Variants in PTPRG observed in about 807,000 individuals in gnomAD.
PTPRG encodes receptor-type tyrosine-protein phosphatase gamma.
In PTPRG, 102 loss-of-function variants were observed where a neutral mutation model predicts 165.3. The observed-to-expected ratio is 0.62, with a 90% confidence interval of 0.53 to 0.73. PTPRG has a LOEUF of 0.73. PTPRG is among the 30% of genes least tolerant of loss of function. The pLI is 0.00. For synonymous variants in PTPRG, 675 were observed against 669.5 expected, an observed-to-expected ratio of 1.01 and a Z score of -0.13; for missense variants, 1,866 against 1,861.4, an observed-to-expected ratio of 1.00 and a Z score of -0.05.
intron 2 of PTPRG, among the ~76,000 whole-genome samples, chr3:61,823,405 G>C (rs2036012233): frequency 6.6e-6 from 1 of 152,130 alleles, no homozygotes; most frequent in Non-Finnish European, 1.5e-5. Flanking sequence ...GAGCAGGATG[G>C]TCTCAATCTC....
intron 2 of PTPRG, among the ~76,000 whole-genome samples, chr3:61,888,246 T>G (rs543557779): frequency 6.6e-6 from 1 of 152,270 alleles, no homozygotes; most frequent in South Asian, 2.1e-4. Flanking sequence ...TGTGTGTATT[T>G]ATTAGTGAAG....
chr3:61,731,209 A>C (rs1011792089), intron 1 of PTPRG, among the ~76,000 whole-genome samples: 2 of 152,134 alleles, frequency 1.3e-5, no homozygotes, highest in African/African-American at 4.8e-5. Context: ...AAAGAGAAAA[A>C]GTAGAGTTCC....
At position 62,271,577 on chromosome 3, in the gene PTPRG, GT is replaced by G. The variant is rs937810237; in HGVS notation, c.3182+23del. On this transcript the variant is annotated intron_variant, in intron 21 of 29. Coordinates refer to ENST00000474889, the MANE Select transcript of PTPRG (RefSeq NM_002841.4). This position sits in a 1 kb window ranked among gnomAD's most constrained non-coding sequence, Gnocchi z 4.1. Reference sequence around the variant, plus strand: ...GCAGGTAGGGTCTAGGATTCAACATGTGAAATAGATGGGGCAGGGGACTTAG... The same window carrying G: ...GCAGGTAGGGTCTAGGATTCAACATGGAAATAGATGGGGCAGGGGACTTAG... 1 of 1,604,022 alleles carries G rather than the reference GT, an allele frequency of 6.2e-7. No homozygotes were observed. Among genetic ancestry groups the G allele is most frequent in the Non-Finnish European group, 8.5e-7 (1 of 1,174,586 alleles).
intron 5 of PTPRG, chr3:62,124,065 CTTTT>C (rs540723355): frequency 2.3e-6 from 1 of 442,400 alleles, no homozygotes; most frequent in Non-Finnish European, 4.1e-6. Flanking sequence ...TTTTCCTTCC[CTTTT>C]TTTTTTCTTT....
chr3:61,937,283 T>C (rs2039504000), intron 2 of PTPRG, among the ~76,000 whole-genome samples: 1 of 152,212 alleles, frequency 6.6e-6, no homozygotes, highest in Non-Finnish European at 1.5e-5. Context: ...GCCTTCCTTT[T>C]AATGTGAGAA....
chr3:61,695,462 G>A (rs1186987804), intron 1 of PTPRG, among the ~76,000 whole-genome samples: 1 of 152,202 alleles, frequency 6.6e-6, no homozygotes, highest in Non-Finnish European at 1.5e-5. Context: ...AAGGCTTAAT[G>A]TAGTAGTTTC....
intron 6 of PTPRG, among the ~76,000 whole-genome samples, chr3:62,137,987 C>A (rs1703776568): frequency 6.6e-6 from 1 of 152,194 alleles, no homozygotes; most frequent in African/African-American, 2.4e-5. Flanking sequence ...GGATCAGCTT[C>A]AATGATTGCT....
At chr3:61,982,552 A>G (rs1054549729) in intron 2 of PTPRG, among the ~76,000 whole-genome samples, 1 of 152,180 alleles carries the variant, frequency 6.6e-6, no homozygotes, top group Non-Finnish European at 1.5e-5. Context: ...TTTGCACTCT[A>G]ATAATGTCAT....
At chr3:61,827,064 C>G (rs758490205) in intron 2 of PTPRG, among the ~76,000 whole-genome samples, 5 of 152,080 alleles carry the variant, frequency 3.3e-5, no homozygotes, top group Non-Finnish European at 7.4e-5. Context: ...CGTTTGTTGC[C>G]TTTAGTTGGA....
chr3:61,782,687 C>T (rs1315859988), intron 2 of PTPRG, among the ~76,000 whole-genome samples: 1 of 152,192 alleles, frequency 6.6e-6, no homozygotes, highest in African/African-American at 2.4e-5. Flanking sequence ...AATGTTTAAC[C>T]TAGTTGACCT....
intron 4 of PTPRG, among the ~76,000 whole-genome samples, chr3:62,017,332 A>G (rs888377577): frequency 1.3e-5 from 2 of 152,226 alleles, no homozygotes; most frequent in African/African-American, 4.8e-5. Flanking sequence ...GAAAGAGCCC[A>G]GTAAATTAGT....
chr3:61,790,900 A>G (rs181543129), intron 2 of PTPRG, among the ~76,000 whole-genome samples: 17 of 152,316 alleles, frequency 1.1e-4, no homozygotes, highest in East Asian at 5.8e-4. Flanking sequence ...TTGAATATCA[A>G]TAAGATTAAA....
At chr3:61,854,206 C>T (rs689236) in intron 2 of PTPRG, among the ~76,000 whole-genome samples, 62,195 of 152,032 alleles carry the variant, frequency 0.41, 13,574 homozygotes, top group East Asian at 0.6. Context: ...TGAATAGTTA[C>T]GTGAGACAAT....
At chr3:62,123,981 TAA>T (rs1167761655) in intron 5 of PTPRG, among the ~76,000 whole-genome samples, 1 of 152,130 alleles carries the variant, frequency 6.6e-6, no homozygotes, top group Non-Finnish European at 1.5e-5. Context: ...AAAGGGCATT[TAA>T]AAGTCTTTTT....
At chr3:62,170,451 T>A (rs547567720) in intron 8 of PTPRG, among the ~76,000 whole-genome samples, 1 of 152,144 alleles carries the variant, frequency 6.6e-6, no homozygotes, top group South Asian at 2.1e-4. Flanking sequence ...AGCTCTTTCC[T>A]GAAAAAATGG....
intron 1 of PTPRG, among the ~76,000 whole-genome samples, chr3:61,725,703 C>A (rs933580315): frequency 7.1e-5 from 10 of 141,766 alleles, no homozygotes; most frequent in Admixed American, 5.9e-4. Flanking sequence ...TCCACCACTA[C>A]CCCCACCTTT....
chr3:62,293,082 C>A, intron 29 of PTPRG, 79 bp from the exon 30 acceptor site: 1 of 1,224,688 alleles, frequency 8.2e-7, no homozygotes, highest in Non-Finnish European at 1.1e-6. Context: ...TCACAATTAC[C>A]ATTTTAATTG....
intron 28 of PTPRG, among the ~76,000 whole-genome samples, chr3:62,285,071 A>G (rs1478140872): frequency 6.6e-6 from 1 of 152,074 alleles, no homozygotes; most frequent in South Asian, 2.1e-4. Flanking sequence ...CCTGCTTATC[A>G]TGTCACACCA....
In PTPRG at chr3:62,093,110, A is replaced by G. The variant is rs1002650073; in HGVS notation, c.615+14852A>G. On this transcript the variant is annotated intron_variant, in intron 5 of 29. Coordinates refer to ENST00000474889, the MANE Select transcript of PTPRG (RefSeq NM_002841.4). ...AATTGGTCCAGGAGATGGCCTGAAC[A>G]TCGGTATTTTTAATAGCTGCTTGCG... Among the ~76,000 whole-genome samples, 13 of 152,290 alleles carry G rather than the reference A, an allele frequency of 8.5e-5. No individual in the cohort carries two copies. In the South Asian group the frequency reaches 1.2e-3, roughly 15 times the overall value.
Sources: gnomAD v4.1 joint callset for allele counts (sites outside exome capture counted in the v4.1 genomes callset) on GRCh38, gnomAD v4.1.1 for gene constraint, Gnocchi (gnomAD v3.1) non-coding constraint, MANE v1.5 for transcripts, NCBI Gene and HGNC (gene_info 2026-07-23, HGNC 2026-07-21) for gene names.